The following SH3GL3 variants were observed in gnomAD, a reference collection of about 807,000 sequenced individuals.
SH3GL3 encodes SH3 domain containing GRB2 like 3, endophilin A3.
Under a neutral mutation model 47.7 loss-of-function variants are expected in SH3GL3, and 33 were observed. The observed-to-expected ratio is 0.69, with a 90% confidence interval of 0.52 to 0.92. The LOEUF is 0.92. Ranked by LOEUF, SH3GL3 falls within the 40% of genes least tolerant of loss-of-function variation. The pLI is 0.00. For synonymous variants in SH3GL3, 155 were observed against 148.8 expected (o/e 1.04, Z -0.30); for missense variants, 363 against 417.8 (o/e 0.87, Z 1.14).
intron 1 of SH3GL3, among the ~76,000 whole-genome samples, chr15:83,494,706 C>G (rs555567818): frequency 6.6e-6 from 1 of 152,130 alleles, no homozygotes; most frequent in South Asian, 2.1e-4. Context: ...CCGTGTCCAG[C>G]TAATTTTTGT....
At chr15:83,619,630 AAAAC>A (rs2060905120), downstream of SH3GL3, among the ~76,000 whole-genome samples, 1 of 152,222 alleles carries the variant, frequency 6.6e-6, no homozygotes, top group Admixed American at 6.5e-5. Context: ...ATGTCTTAAA[AAAAC>A]AAACTACACA....
chr15:83,543,536 C>A (rs1219563654), intron 1 of SH3GL3, among the ~76,000 whole-genome samples: 1 of 151,796 alleles, frequency 6.6e-6, no homozygotes, highest in Non-Finnish European at 1.5e-5. Context: ...GGAAGTCTTC[C>A]CTCCTCCTCT....
At position 83,448,010 on chromosome 15, in the gene SH3GL3, C is replaced by T. The variant is rs12914221; in HGVS notation, c.45+432C>T. Among the ~76,000 whole-genome samples, 20,596 of 152,138 alleles carry T rather than the reference C, an allele frequency of 0.14. 1,708 individuals carry two copies. The highest frequency in any genetic ancestry group is 0.21 in the Middle Eastern group (61 of 292). On this transcript the variant is annotated intron_variant, in intron 1 of 8. Coordinates refer to ENST00000427482, the MANE Select transcript of SH3GL3 (RefSeq NM_003027.5). This position sits in a 1 kb window ranked among gnomAD's most constrained non-coding sequence, Gnocchi z 4.2. ...GGGGGGCCCATCCTCCACCGGCCAC[C>T]GGCGCCTCCAGAGATGCTGTGTATT...
At chr15:83,460,657 G>A (rs1435630658) in intron 1 of SH3GL3, among the ~76,000 whole-genome samples, 1 of 152,156 alleles carries the variant, frequency 6.6e-6, no homozygotes, top group Non-Finnish European at 1.5e-5. Context: ...TCTTTAATAA[G>A]TGATGTTCAT....
chr15:83,449,553 T>C (rs2039632609), intron 1 of SH3GL3, among the ~76,000 whole-genome samples: 1 of 152,218 alleles, frequency 6.6e-6, no homozygotes, highest in Non-Finnish European at 1.5e-5. Flanking sequence ...ACGTAAGCCC[T>C]TGGGTGATTT....
intron 3 of SH3GL3, among the ~76,000 whole-genome samples, chr15:83,566,551 G>A (rs1474779857): frequency 1.3e-5 from 2 of 152,236 alleles, no homozygotes; most frequent in African/African-American, 2.4e-5. Context: ...AAGGCATGAT[G>A]ATTGCTTGAA....
Position 83,471,808 on chromosome 15 carries a change from C to T in SH3GL3, c.45+24230C>T, listed in dbSNP as rs532674912. ...TATAGGTTAAGTGTCATTTCTCTCA[C>T]TGGTTTCAAGATATTTTTTCTTTGT... On this transcript the variant is annotated intron_variant, in intron 1 of 8. Transcript: ENST00000427482. Among the ~76,000 whole-genome samples the T allele has an allele frequency of 6.6e-5, 10 of 152,216 alleles. No homozygotes were observed. The East Asian group carries it at 1.7e-3, about 26-fold the overall frequency.
chr15:83,579,003 G>A (rs979429194), intron 6 of SH3GL3, among the ~76,000 whole-genome samples: 2 of 152,096 alleles, frequency 1.3e-5, no homozygotes, highest in South Asian at 4.1e-4. Flanking sequence ...GGGTTTTTGC[G>A]AAGTGCTCCA....
chr15:83,460,731 A>G (rs770013000), intron 1 of SH3GL3, among the ~76,000 whole-genome samples: 11 of 152,208 alleles, frequency 7.2e-5, no homozygotes, highest in East Asian at 3.8e-4. Context: ...CGTAAACTGT[A>G]TAAGAGTCTG....
At chr15:83,603,858 G>A (rs370890373) in intron 8 of SH3GL3, among the ~76,000 whole-genome samples, 1 of 152,182 alleles carries the variant, frequency 6.6e-6, no homozygotes, top group African/African-American at 2.4e-5. Flanking sequence ...GTTTCAGCCC[G>A]GTGCGGTGGC....
intron 1 of SH3GL3, among the ~76,000 whole-genome samples, chr15:83,487,448 T>G (rs562335889): frequency 6.6e-6 from 1 of 152,264 alleles, no homozygotes; most frequent in Admixed American, 6.5e-5. Flanking sequence ...TTCTGTTTGG[T>G]ATGTGGACTA....
intron 8 of SH3GL3, among the ~76,000 whole-genome samples, chr15:83,617,443 G>C (rs1410408299): frequency 9.2e-5 from 14 of 152,210 alleles, no homozygotes; most frequent in African/African-American, 3.4e-4. Flanking sequence ...TTGGGAGGTT[G>C]AGGTGAGCAG....
At chr15:83,513,498 T>C (rs568520053) in intron 1 of SH3GL3, among the ~76,000 whole-genome samples, 1 of 152,318 alleles carries the variant, frequency 6.6e-6, no homozygotes, top group South Asian at 2.1e-4. Context: ...CAGGCTTCTC[T>C]TTCATCTGGG....
chr15:83,490,951 A>T lies in SH3GL3; in HGVS notation c.45+43373A>T, dbSNP rs780203205. Reference sequence around the variant, plus strand: ...GGGGAGTGGTTGGGGAAGAACAGTAAACTTGGAAAAGCCATTCTCATCAGC... The same window carrying T: ...GGGGAGTGGTTGGGGAAGAACAGTATACTTGGAAAAGCCATTCTCATCAGC... On this transcript the variant is annotated intron_variant, in intron 1 of 8. Transcript: ENST00000427482. The T allele has an allele frequency of 1.9e-6, 3 of 1,612,922 alleles. No homozygotes were observed. The South Asian group carries it at 3.3e-5, about 18-fold the overall frequency.
intron 1 of SH3GL3, among the ~76,000 whole-genome samples, chr15:83,461,520 G>A (rs933611409): frequency 6.6e-6 from 1 of 151,776 alleles, no homozygotes; most frequent in Non-Finnish European, 1.5e-5. Flanking sequence ...ATTTGGTTAT[G>A]TATACTCTTG....
At chr15:83,537,824 T>C (rs1448832084) in intron 1 of SH3GL3, among the ~76,000 whole-genome samples, 1 of 152,186 alleles carries the variant, frequency 6.6e-6, no homozygotes, top group African/African-American at 2.4e-5. Context: ...ATTTATGATC[T>C]GTCACTGGCA....
At chr15:83,531,858 ATG>A (rs1491407520) in intron 1 of SH3GL3, among the ~76,000 whole-genome samples, 1 of 151,014 alleles carries the variant, frequency 6.6e-6, no homozygotes, top group African/African-American at 2.4e-5. Context: ...GAGAGACAGA[ATG>A]AGAGAGAGAG....
At chr15:83,543,672 A>C (rs886545545) in intron 1 of SH3GL3, among the ~76,000 whole-genome samples, 2 of 152,000 alleles carry the variant, frequency 1.3e-5, no homozygotes, top group African/African-American at 2.4e-5. Flanking sequence ...AAACGAGATC[A>C]AATGAGAGGT....
chr15:83,467,836 T>C (rs2040637074), intron 1 of SH3GL3, among the ~76,000 whole-genome samples: 1 of 152,190 alleles, frequency 6.6e-6, no homozygotes, highest in South Asian at 2.1e-4. Flanking sequence ...TTTTTTTATT[T>C]TATTTTTTTG....
Sources: gnomAD v4.1 joint callset for allele counts (sites outside exome capture counted in the v4.1 genomes callset) on GRCh38, gnomAD v4.1.1 for gene constraint, Gnocchi (gnomAD v3.1) non-coding constraint, MANE v1.5 for transcripts, NCBI Gene and HGNC (gene_info 2026-07-23, HGNC 2026-07-21) for gene names.